Variants in EPS8 observed in about 807,000 individuals in gnomAD.
EPS8 encodes epidermal growth factor receptor kinase substrate 8.
A neutral mutation model predicts 103.8 loss-of-function variants in EPS8; 42 were observed. The observed-to-expected ratio is 0.40, with a 90% CI of 0.32 to 0.52. The LOEUF is 0.52. Ranked by LOEUF, EPS8 falls within the 20% of genes least tolerant of loss-of-function variation. The probability of loss-of-function intolerance (pLI) is 0.40; values close to 1 mark genes in which losing one functional copy is unlikely to be tolerated. For synonymous variants in EPS8, 344 were observed against 344.6 expected (o/e 1.00, Z 0.02); for missense variants, 969 against 1,005.1 (o/e 0.96, Z 0.49).
chr12:15,654,974 G>A (rs571719626), intron 12 of EPS8, among the ~76,000 whole-genome samples: 15 of 152,118 alleles, frequency 9.9e-5, no homozygotes, highest in African/African-American at 3.6e-4. Context: ...TACTTCTTAT[G>A]AGCTATTTTC....
chr12:15,704,454 C>T lies in EPS8; in HGVS notation c.-21-21482G>A, dbSNP rs1388385154. 6.6e-6 allele frequency among the ~76,000 whole-genome samples: 1 copy of T among 152,154 alleles called. No homozygotes were observed. Among genetic ancestry groups the T allele is most frequent in the African/African-American group, 2.4e-5 (1 of 41,444 alleles). ...ATGGATGAACCCTGAAGCCATTACA[C>T]TAAGTAAAATAAGCCAGTCACAAAA... On this transcript the variant is annotated intron_variant, in intron 1 of 20. Transcript: ENST00000281172. This position sits in a 1 kb window ranked among gnomAD's most constrained non-coding sequence, Gnocchi z 4.6.
At chr12:15,674,188 A>G (rs1945863758) in intron 3 of EPS8, among the ~76,000 whole-genome samples, 1 of 152,192 alleles carries the variant, frequency 6.6e-6, no homozygotes, top group Non-Finnish European at 1.5e-5. Context: ...TTTATGCATA[A>G]TATAACATTT....
chr12:15,766,632 C>G (rs576042804), intron 1 of EPS8, among the ~76,000 whole-genome samples: 1 of 150,164 alleles, frequency 6.7e-6, no homozygotes, highest in Admixed American at 6.6e-5. Context: ...GAGCAGAGAT[C>G]GTGCCATTGC....
At chr12:15,623,645 G>T (rs984363346) in intron 19 of EPS8, among the ~76,000 whole-genome samples, 2 of 152,108 alleles carry the variant, frequency 1.3e-5, no homozygotes, top group African/African-American at 4.8e-5. Context: ...ATGCTGGGTA[G>T]GTGAGTTTAT....
rs1046075656 is a variant in EPS8 at position 15,727,196 on chromosome 12, C to G, written c.-21-44224G>C. 6.6e-6 allele frequency among the ~76,000 whole-genome samples: 1 copy of G among 152,140 alleles called. No homozygotes were observed. The highest frequency in any genetic ancestry group is 1.9e-4 in the East Asian group (1 of 5,198). ...TTAAATTTTTTACAAAGCCTGGGCACCTGGGGTTCTGATTACTTCCCTCGT... is the reference window on the plus strand; with the variant it reads ...TTAAATTTTTTACAAAGCCTGGGCAGCTGGGGTTCTGATTACTTCCCTCGT... On this transcript the variant is annotated intron_variant, in intron 1 of 20. Transcript: ENST00000281172. The surrounding 1 kb of genome is among the most constrained non-coding windows in gnomAD (Gnocchi z 4.3).
In EPS8 at chr12:15,784,321, G is replaced by A. The variant is rs890556860; in HGVS notation, c.-22+4840C>T. 1.4e-4 allele frequency among the ~76,000 whole-genome samples: 22 copies of A among 152,102 alleles called. No homozygotes were observed. The highest frequency in any genetic ancestry group is 5.3e-4 in the African/African-American group (22 of 41,422). The stretch of plus-strand genomic sequence containing the variant: ...TAAGAAAACAACCCCATTAAAAAGT[G>A]GGCAAATGATCTGAACAGCCATCAC... On this transcript the variant is annotated intron_variant, in intron 1 of 20. Transcript: ENST00000281172. The surrounding 1 kb of genome is among the most constrained non-coding windows in gnomAD (Gnocchi z 4.0).
In EPS8 at chr12:15,714,135, T is replaced by G. The variant is rs1351365259; in HGVS notation, c.-21-31163A>C. ...TCCCCAATGAAGATGAGCTTATAAATTTAGAGATTACAAAATATGGAGAAA... is the reference window on the plus strand; with the variant it reads ...TCCCCAATGAAGATGAGCTTATAAAGTTAGAGATTACAAAATATGGAGAAA... On this transcript the variant is annotated intron_variant, in intron 1 of 20. Transcript: ENST00000281172. The surrounding 1 kb of genome is among the most constrained non-coding windows in gnomAD (Gnocchi z 4.1). Among the ~76,000 whole-genome samples, 1 of 151,972 alleles carries G rather than the reference T, an allele frequency of 6.6e-6. No individual in the cohort carries two copies.
At chr12:15,782,717 G>A (rs933546031) in intron 1 of EPS8, among the ~76,000 whole-genome samples, 6 of 151,840 alleles carry the variant, frequency 4.0e-5, no homozygotes, top group African/African-American at 9.7e-5. Context: ...AGTATCATTC[G>A]CGGTCAAGAG....
chr12:15,732,472 C>T (rs2135995134), intron 1 of EPS8, among the ~76,000 whole-genome samples: 1 of 152,304 alleles, frequency 6.6e-6, no homozygotes, highest in Admixed American at 6.5e-5. Flanking sequence ...ACAATCCCAA[C>T]ACTACACCCC....
At chr12:15,653,642 G>A (rs79025345) in intron 13 of EPS8, among the ~76,000 whole-genome samples, 3,226 of 152,238 alleles carry the variant, frequency 0.021, 114 homozygotes, top group African/African-American at 0.072. Context: ...ACTGACTCCA[G>A]AGCTACATGG....
intron 1 of EPS8, among the ~76,000 whole-genome samples, chr12:15,703,311 CAG>C (rs1413553966): frequency 2.0e-5 from 3 of 152,160 alleles, no homozygotes; most frequent in African/African-American, 4.8e-5. Context: ...GATATACAAA[CAG>C]ATAATTACAA....
chr12:15,624,906 C>A (rs1299933134), intron 18 of EPS8, among the ~76,000 whole-genome samples: 3 of 152,178 alleles, frequency 2.0e-5, no homozygotes, highest in African/African-American at 4.8e-5. Flanking sequence ...TGCTGTCACA[C>A]AGTGGGTAGA....
At chr12:15,650,321 AGAG>A (rs1203523557) in intron 14 of EPS8, among the ~76,000 whole-genome samples, 2 of 152,202 alleles carry the variant, frequency 1.3e-5, no homozygotes, top group Non-Finnish European at 2.9e-5. Flanking sequence ...GAAAACAAAC[AGAG>A]GAGAAGAGAG....
Position 15,650,820 on chromosome 12 carries a change from T to C in EPS8, c.1434+3A>G, listed in dbSNP as rs1945399971. On this transcript the variant is annotated splice_donor_region_variant and intron_variant, in intron 14 of 20. Transcript: ENST00000281172. ...CAGAGGGCAATGTTAAAAAAAAAAC[T>C]ACCTCTGTGGATAATCTTTTTATTT... 1 of 1,611,064 alleles carries C rather than the reference T, an allele frequency of 6.2e-7. No homozygotes were observed. Among genetic ancestry groups the C allele is most frequent in the African/African-American group, 1.3e-5 (1 of 74,880 alleles).
rs943654061 is a variant in EPS8, at chr12:15,776,372, T to C, written c.-22+12789A>G. On this transcript the variant is annotated intron_variant, in intron 1 of 20. Transcript: ENST00000281172. The surrounding 1 kb of genome is among the most constrained non-coding windows in gnomAD (Gnocchi z 4.2). ...TGCAAAGGAGCAATCCGGTACTCTT[T>C]TGGAAGAGAGAAAAAAACAGCTGGC... 2.6e-5 allele frequency among the ~76,000 whole-genome samples: 4 copies of C among 152,106 alleles called. No homozygotes were observed. Among genetic ancestry groups the C allele is most frequent in the Admixed American group, 6.6e-5 (1 of 15,262 alleles).
rs1192344662 is a variant in EPS8 at position 15,641,823 on chromosome 12, C to T, written c.1576G>A (p.Glu526Lys). 6.5e-7 allele frequency: 1 copy of T among 1,532,930 alleles called. No homozygotes were observed. Among genetic ancestry groups the T allele is most frequent in the Non-Finnish European group, 8.9e-7 (1 of 1,125,148 alleles). The allele number at this position is 1,532,930 out of a possible 1,614,324, so 95.0% of individuals were successfully genotyped here. A position where few individuals can be genotyped will look rare whatever the true frequency, so the allele number is the denominator to read the frequency against. ...TSNRHIDRNY[E>K]PLKTQPKKYA... ...TTCTTGGGTTGTGTTTTGAGTGGTT[C>T]ATAATTTCTATAAAAAGAAAGAAAA... Residue 526 changes from glutamate (E) to lysine (K), a missense_variant, in exon 16 of 21, where the codon GAA (glutamate) becomes AAA (lysine). Glu to Lys is a moderately conservative substitution (Grantham distance 56, BLOSUM62 1). Transcript: ENST00000281172.
At position 15,761,681 on chromosome 12, in the gene EPS8, G is replaced by A. The variant is rs986284732; in HGVS notation, c.-22+27480C>T. On this transcript the variant is annotated intron_variant, in intron 1 of 20. Transcript: ENST00000281172. This position sits in a 1 kb window ranked among gnomAD's most constrained non-coding sequence, Gnocchi z 4.5. ...ACAAAGGTGCCAAGAACATACACTG[G>A]GGAAAAGACAGACTCTTCAATAAAT... is the stretch of plus-strand genomic sequence containing the variant. Among the ~76,000 whole-genome samples, 1 of 151,976 alleles carries A rather than the reference G, an allele frequency of 6.6e-6. No homozygotes were observed. The highest frequency in any genetic ancestry group is 6.6e-5 in the Admixed American group (1 of 15,238).
intron 11 of EPS8, 47 bp downstream of exon 11, chr12:15,658,450 C>T (rs1175370186): frequency 8.0e-7 from 1 of 1,243,110 alleles, no homozygotes; most frequent in Non-Finnish European, 1.2e-6. Context: ...AGATTTTCAC[C>T]TTTTCCATTT....
intron 3 of EPS8, among the ~76,000 whole-genome samples, chr12:15,678,606 T>C (rs1159534635): frequency 6.6e-6 from 1 of 152,160 alleles, no homozygotes; most frequent in African/African-American, 2.4e-5. Context: ...CACTTTGCTT[T>C]ATATGTAAAA....
Sources: allele counts gnomAD v4.1 joint callset (sites outside exome capture counted in the v4.1 genomes callset), GRCh38; gene constraint gnomAD v4.1.1; non-coding constraint Gnocchi (gnomAD v3.1); transcripts MANE v1.5; gene names NCBI Gene and HGNC (gene_info 2026-07-23, HGNC 2026-07-21).